Variants in BCKDHB observed in about 807,000 individuals in gnomAD.
The protein encoded by BCKDHB is 2-oxoisovalerate dehydrogenase subunit beta, mitochondrial.
In BCKDHB, 41 loss-of-function variants were observed where a neutral mutation model predicts 48.5. The ratio of observed to expected loss-of-function variants is 0.85; its 90% CI spans 0.66 to 1.10. BCKDHB has a LOEUF of 1.10. Among genes scored for constraint, BCKDHB ranks in the 50% least tolerant of loss-of-function variants. The pLI, the probability that BCKDHB is intolerant of heterozygous loss-of-function variation, is 0.00. For missense variants in BCKDHB, 496 were observed against 494.2 expected (o/e 1.00, Z -0.03); for synonymous variants, 201 against 174.8 (o/e 1.15, Z -1.18).
At chr6:80,279,508 ATG>A (rs1778111267) in intron 9 of BCKDHB, among the ~76,000 whole-genome samples, 1 of 151,942 alleles carries the variant, frequency 6.6e-6, no homozygotes, top group Admixed American at 6.6e-5. Flanking sequence ...TCTAATTACT[ATG>A]TATTATTTTC....
At position 80,111,197 on chromosome 6, in the gene BCKDHB, G is replaced by A. The variant is rs978120422; in HGVS notation, c.196+4308G>A. Among the ~76,000 whole-genome samples the A allele has an allele frequency of 2.6e-5, 4 of 152,304 alleles. No homozygotes were observed. The East Asian group carries it at 7.7e-4, about 29-fold the overall frequency. ...CTGGGAGGAAAGTTTTCCTACATAA[G>A]TAGTAAGGAAAGAAACTGAATTTGT... On this transcript the variant is annotated intron_variant, in intron 1 of 9. Transcript: ENST00000320393.
chr6:80,408,870 C>T, the BCKDHB span, among the ~76,000 whole-genome samples: 1 of 149,670 alleles, frequency 6.7e-6, no homozygotes, highest in African/African-American at 2.5e-5. Flanking sequence ...GTCTCTATCT[C>T]CTTCAGTGCT....
Position 80,151,419 on chromosome 6 carries a change from CTTT to C in BCKDHB, c.344-16248_344-16246del, listed in dbSNP as rs529086862. Among the ~76,000 whole-genome samples, 261 of 142,410 alleles carry C rather than the reference CTTT, an allele frequency of 1.8e-3. 1 individual carries two copies. Among genetic ancestry groups the C allele is most frequent in the African/African-American group, 6.5e-3 (250 of 38,622 alleles). 93.4% of individuals were successfully genotyped at this position (142,410 alleles called of 152,430 possible). On this transcript the variant is annotated intron_variant, in intron 3 of 9. Transcript: ENST00000320393. Reference sequence around the variant, plus strand: ...GATATTATTTAATTTTTAAAACTAACTTTTTTTTTTTTTGTTTTTTTGTTTTTG... The same window carrying C: ...GATATTATTTAATTTTTAAAACTAACTTTTTTTTTTGTTTTTTTGTTTTTG...
At chr6:80,107,514 C>CAT (rs71668410) in intron 1 of BCKDHB, among the ~76,000 whole-genome samples, 44 of 24,648 alleles carry the variant, frequency 1.8e-3, no homozygotes, top group Non-Finnish European at 2.7e-3. Flanking sequence ...TATATGTGCG[C>CAT]ATATATATAT....
At chr6:80,147,981 G>A (rs1446064571) in intron 3 of BCKDHB, among the ~76,000 whole-genome samples, 5 of 152,130 alleles carry the variant, frequency 3.3e-5, no homozygotes, top group Non-Finnish European at 1.5e-5. Flanking sequence ...ATTCCTGTTG[G>A]TTGTTACAAT....
intron 6 of BCKDHB, among the ~76,000 whole-genome samples, chr6:80,193,363 A>G (rs1773986765): frequency 6.6e-6 from 1 of 152,174 alleles, no homozygotes; most frequent in Non-Finnish European, 1.5e-5. Context: ...CTCTGAAACA[A>G]TAACAGTATA....
intron 3 of BCKDHB, among the ~76,000 whole-genome samples, chr6:80,144,403 A>G (rs1054604554): frequency 6.6e-6 from 1 of 152,140 alleles, no homozygotes; most frequent in African/African-American, 2.4e-5. Context: ...GAAAGTTACA[A>G]CTCTGATTAC....
intron 9 of BCKDHB, among the ~76,000 whole-genome samples, chr6:80,336,168 A>C (rs540540553): frequency 8.6e-5 from 13 of 151,966 alleles, no homozygotes; most frequent in Non-Finnish European, 1.6e-4. Flanking sequence ...TTTAATGTTA[A>C]ATTTTGATTT....
the BCKDHB span, among the ~76,000 whole-genome samples, chr6:80,401,314 A>G: frequency 6.6e-6 from 1 of 151,856 alleles, no homozygotes; most frequent in Non-Finnish European, 1.5e-5. Context: ...ATGAGTCCAC[A>G]TCTGTGAAAT....
the BCKDHB span, among the ~76,000 whole-genome samples, chr6:80,400,390 C>T: frequency 6.6e-6 from 1 of 151,964 alleles, no homozygotes. Flanking sequence ...AAAAAACCAC[C>T]CCATTACAAA....
chr6:80,308,317 A>G (rs1442274424), intron 9 of BCKDHB, among the ~76,000 whole-genome samples: 1 of 152,092 alleles, frequency 6.6e-6, no homozygotes, highest in Non-Finnish European at 1.5e-5. Context: ...AAGGTATTCC[A>G]TCATATGATA....
intron 3 of BCKDHB, among the ~76,000 whole-genome samples, chr6:80,142,897 G>A (rs769501762): frequency 3.3e-5 from 5 of 151,972 alleles, no homozygotes; most frequent in African/African-American, 2.4e-5. Flanking sequence ...AAACAGTGCC[G>A]CATATTCCTT....
intron 1 of BCKDHB, among the ~76,000 whole-genome samples, chr6:80,107,299 T>TATAC (rs1288484607): frequency 6.9e-6 from 1 of 145,724 alleles, no homozygotes; most frequent in Non-Finnish European, 1.5e-5. Flanking sequence ...GATATATATA[T>TATAC]ATGTTTATAT....
chr6:80,200,905 C>CTTT (rs374325532), intron 6 of BCKDHB, 29 bp from the exon 7 acceptor site: 1 of 1,229,736 alleles, frequency 8.1e-7, no homozygotes, highest in South Asian at 1.3e-5. Context: ...AAAAAATGTC[C>CTTT]TTTTTTTTTT....
chr6:80,360,537 GACTAAA>G, the BCKDHB span, among the ~76,000 whole-genome samples: 1 of 152,186 alleles, frequency 6.6e-6, no homozygotes, highest in East Asian at 1.9e-4. Flanking sequence ...TGTCAGCTAT[GACTAAA>G]ACTAAGAGCC....
intron 9 of BCKDHB, among the ~76,000 whole-genome samples, chr6:80,293,092 A>C (rs1737459732): frequency 6.6e-6 from 1 of 152,156 alleles, no homozygotes; most frequent in South Asian, 2.1e-4. Context: ...GGAAGCTGTC[A>C]GTATATCTAC....
chr6:80,407,886 A>G, the BCKDHB span, among the ~76,000 whole-genome samples: 4,769 of 152,242 alleles, frequency 0.031, 199 homozygotes, highest in African/African-American at 0.095. Flanking sequence ...AACTTCCAAC[A>G]CTGTGTTGAA....
the BCKDHB span, among the ~76,000 whole-genome samples, chr6:80,411,643 T>G: frequency 6.6e-6 from 1 of 152,222 alleles, no homozygotes; most frequent in Admixed American, 6.5e-5. Context: ...CCTGGCCACC[T>G]TGTTTACCTA....
chr6:80,173,679 T>C (rs779698488), intron 6 of BCKDHB, among the ~76,000 whole-genome samples: 1 of 152,178 alleles, frequency 6.6e-6, no homozygotes, highest in Non-Finnish European at 1.5e-5. Flanking sequence ...TGATGTTGCC[T>C]GTGTCCATTT....
Sources: gnomAD v4.1 joint callset for allele counts (sites outside exome capture counted in the v4.1 genomes callset) on GRCh38, gnomAD v4.1.1 for gene constraint, MANE v1.5 for transcripts, NCBI Gene and HGNC (gene_info 2026-07-23, HGNC 2026-07-21) for gene names.